The following FUZ variants were observed in gnomAD, a reference collection of about 807,000 sequenced individuals.
The protein encoded by FUZ is protein fuzzy homolog.
A neutral mutation model predicts 43.1 loss-of-function variants in FUZ; 31 were observed. That is an observed-to-expected ratio of 0.72 (90% CI 0.54 to 0.97). The LOEUF (loss-of-function observed/expected upper bound fraction) is 0.97. Among genes scored for constraint, FUZ ranks in the 50% least tolerant of loss-of-function variants. The pLI is 0.00. For synonymous variants in FUZ, 274 were observed against 250.0 expected (o/e 1.10, Z -0.91); for missense variants, 539 against 543.8 (o/e 0.99, Z 0.09).
intron 7 of FUZ, 119 bp from the exon 8 acceptor site, chr19:49,808,942 G>C: frequency 2.2e-6 from 2 of 923,536 alleles, no homozygotes; most frequent in Admixed American, 4.0e-5. Flanking sequence ...TGCAAGAAGA[G>C]TGGAGGGCGG....
At position 49,809,323 on chromosome 19, in the gene FUZ, C is replaced by T; in HGVS notation, c.690+55G>A. 6.5e-7 allele frequency: 1 copy of T among 1,547,636 alleles called. No individual in the cohort carries two copies. The highest frequency in any genetic ancestry group is 1.2e-5 in the South Asian group (1 of 84,022). On this transcript the variant is annotated intron_variant, in intron 6 of 10. Coordinates refer to ENST00000313777, the MANE Select transcript of FUZ (RefSeq NM_025129.5). The surrounding 1 kb of genome is among the most constrained non-coding windows in gnomAD (Gnocchi z 5.1). Reference sequence around the variant, plus strand: ...CCCTTTCCATCGCAGATCCCGCCTCCTCGCGACTCGGCCCCCAGGTCACAT... The same window carrying T: ...CCCTTTCCATCGCAGATCCCGCCTCTTCGCGACTCGGCCCCCAGGTCACAT...
rs1454310856 is a variant in FUZ, at chr19:49,809,281, G to A, written c.691-23C>T. The A allele has an allele frequency of 3.9e-6, 6 of 1,549,678 alleles. No homozygotes were observed. The highest frequency in any genetic ancestry group is 4.4e-6 in the Non-Finnish European group (5 of 1,146,450). ...GACCTGAAGCAGGGCACAGGCTGGG[G>A]CTCATCGCGGCCCGGCCCCTTTCCA... On this transcript the variant is annotated intron_variant, in intron 6 of 10. Transcript: ENST00000313777. The surrounding 1 kb of genome is among the most constrained non-coding windows in gnomAD (Gnocchi z 5.1).
At chr19:49,811,338 A>C in intron 5 of FUZ, 25 bp downstream of exon 5, 2 of 1,507,474 alleles carry the variant, frequency 1.3e-6, no homozygotes, top group Non-Finnish European at 1.8e-6. Flanking sequence ...AACAGGTGTA[A>C]GAGTTTCCAT....
rs774405139 is a variant in FUZ, at chr19:49,812,560, T to G, written c.233+55A>C. ...AGCTGGAAGGCCTCCGGGGTCATCT[T>G]CAACAGGGACTATCACCCAGGCCCT... On this transcript the variant is annotated intron_variant, in intron 2 of 10. Transcript: ENST00000313777. 5.0e-6 allele frequency: 8 copies of G among 1,613,264 alleles called. No individual in the cohort carries two copies. In the East Asian group the frequency reaches 1.8e-4, roughly 36 times the overall value.
At chr19:49,811,081 G>A (rs1168084208) in intron 5 of FUZ, 2 of 476,248 alleles carry the variant, frequency 4.2e-6, no homozygotes, top group Admixed American at 3.3e-5. Flanking sequence ...AACCCGGGAG[G>A]CGCAGGCTGC....
Position 49,813,111 on chromosome 19 carries a change from G to T in FUZ, c.-5C>A. The T allele has an allele frequency of 2.6e-6, 4 of 1,550,066 alleles. No homozygotes were observed. The highest frequency in any genetic ancestry group is 3.5e-6 in the Non-Finnish European group (4 of 1,145,888). ...GCCCGTCCCCTCCTCCCCCATTTAG[G>T]ACTCCCACCGCGGTCCCTCACGTGG... is the stretch of plus-strand genomic sequence containing the variant. On this transcript the variant is annotated 5_prime_UTR_variant, in exon 1 of 11. Transcript: ENST00000313777.
chr19:49,813,002 ACGGG>A lies in FUZ; in HGVS notation c.101_104del (p.Ala34ValfsTer26). 6.4e-7 allele frequency: 1 copy of A among 1,550,810 alleles called. No individual in the cohort carries two copies. The highest frequency in any genetic ancestry group is 8.7e-7 in the Non-Finnish European group (1 of 1,146,760). ...CAGGCGTCCAAGGCCCCACCTGCTG[ACGGG>A]CGGGGGCGCCGCCGCGACTGCTCCT... On this transcript the variant is annotated frameshift_variant, in exon 1 of 11. Transcript: ENST00000313777. LOFTEE classifies it high-confidence loss of function.
chr19:49,807,015 T>A lies in FUZ; in HGVS notation c.*136A>T. 6.6e-7 allele frequency: 1 copy of A among 1,511,260 alleles called. No individual in the cohort carries two copies. The allele number at this position is 1,511,260 out of a possible 1,614,324, so 93.6% of individuals were successfully genotyped here. A position where few individuals can be genotyped will look rare whatever the true frequency, so the allele number is the denominator to read the frequency against. Reference sequence around the variant, plus strand: ...GGGAGAGGGGCCAGGGAAGTGGATGTCTCCTCCCCTCCCACCCCACCCTGT... The same window carrying A: ...GGGAGAGGGGCCAGGGAAGTGGATGACTCCTCCCCTCCCACCCCACCCTGT... On this transcript the variant is annotated 3_prime_UTR_variant, in exon 11 of 11. Coordinates refer to ENST00000313777, the MANE Select transcript of FUZ (RefSeq NM_025129.5).
In FUZ at chr19:49,811,706, G is replaced by A; in HGVS notation, c.319-7C>T. ...CAAGTCCCACAAGAAGGACCTAGAAGAATCATATAGGAGAGGATGGGCGAG... is the reference window on the plus strand; with the variant it reads ...CAAGTCCCACAAGAAGGACCTAGAAAAATCATATAGGAGAGGATGGGCGAG... On this transcript the variant is annotated splice_region_variant and splice_polypyrimidine_tract_variant and intron_variant, in intron 3 of 10. Coordinates refer to ENST00000313777, the MANE Select transcript of FUZ (RefSeq NM_025129.5). 1 of 1,612,090 alleles carries A rather than the reference G, an allele frequency of 6.2e-7. No homozygotes were observed. The highest frequency in any genetic ancestry group is 8.5e-7 in the Non-Finnish European group (1 of 1,178,114).
At chr19:49,810,939 A>G in intron 5 of FUZ, 1 of 339,408 alleles carries the variant, frequency 2.9e-6, no homozygotes, top group Non-Finnish European at 5.7e-6. Flanking sequence ...CACCTGAGGT[A>G]AGAAGTTCGA....
chr19:49,807,314 C>T lies in FUZ; in HGVS notation c.1094G>A (p.Cys365Tyr), dbSNP rs1276815917. ...EVYQAQLPRA[C>Y]YLVLGTEEPG... ...TTCCTCAGTCCCCAACACCAGGTAGCAAGCTCTGGGCAGCTGGGCCTGGTA... is the reference window on the plus strand; with the variant it reads ...TTCCTCAGTCCCCAACACCAGGTAGTAAGCTCTGGGCAGCTGGGCCTGGTA... Residue 365 changes from cysteine to tyrosine, a missense_variant, in exon 11 of 11, where the codon TGC becomes TAC. Cys to Tyr is a radical substitution (Grantham distance 194). Transcript: ENST00000313777. The T allele has an allele frequency of 1.2e-6, 2 of 1,613,634 alleles. No individual in the cohort carries two copies. The highest frequency in any genetic ancestry group is 1.7e-6 in the Non-Finnish European group (2 of 1,179,976).
At position 49,811,455 on chromosome 19, in the gene FUZ, G is replaced by C. The variant is rs755369802; in HGVS notation, c.400C>G (p.Leu134Val). 1.7e-5 allele frequency: 27 copies of C among 1,613,978 alleles called. No homozygotes were observed. Among genetic ancestry groups the C allele is most frequent in the South Asian group, 2.2e-5 (2 of 91,080 alleles). Residue 134 changes from leucine to valine, a missense_variant, in exon 5 of 11, where the codon CTC becomes GTC. Physicochemically the swap from Leu to Val is conservative, Grantham distance 32 (BLOSUM62 1). Coordinates refer to ENST00000313777, the MANE Select transcript of FUZ (RefSeq NM_025129.5). ...GAGTCCCCCAGGAAGCTGTCGATGA[G>C]GCAATAACTGGCCTAGGAGAGGAAG... ...LKKDLRASYC[L>V]IDSFLGDSEL...
intron 10 of FUZ, among the ~76,000 whole-genome samples, chr19:49,807,914 A>T (rs1331463251): frequency 6.6e-6 from 1 of 152,034 alleles, no homozygotes; most frequent in African/African-American, 2.4e-5. Context: ...TTCCGTTCTA[A>T]CCCAGAATCT....
In FUZ at chr19:49,807,327, G is replaced by C; in HGVS notation, c.1081C>G (p.Leu361Val). The change falls in exon 11 of 11, where the codon CTG becomes GTG. Residue 361 changes from leucine to valine, a missense_variant. Coordinates refer to ENST00000313777, the MANE Select transcript of FUZ (RefSeq NM_025129.5). ...KTEDEVYQAQ[L>V]PRACYLVLGT... is the part of the protein sequence containing the mutation. ...AACACCAGGTAGCAAGCTCTGGGCA[G>C]CTGGGCCTGGTAGACCTCATCTTCT... The C allele has an allele frequency of 6.2e-7, 1 of 1,613,644 alleles. No homozygotes were observed.
At chr19:49,810,551 C>G (rs552170071) in intron 5 of FUZ, among the ~76,000 whole-genome samples, 13 of 151,498 alleles carry the variant, frequency 8.6e-5, no homozygotes, top group African/African-American at 2.4e-4. Context: ...TGGTGACCAG[C>G]GCTTATAATC....
intron 3 of FUZ, 47 bp downstream of exon 3, chr19:49,812,204 A>C (rs980879788): frequency 7.3e-7 from 1 of 1,361,000 alleles, no homozygotes. Context: ...GGATGCTGAG[A>C]TCTCAGATTC....
rs1429021999 is a variant in FUZ at position 49,809,589 on chromosome 19, G to A, written c.493-14C>T. 6.3e-7 allele frequency: 1 copy of A among 1,581,326 alleles called. No homozygotes were observed. ...GGAGAGGGCTTCCTGGGTACGGGAG[G>A]CAGGAGGACTGGGAGTCAGCAGACA... On this transcript the variant is annotated splice_polypyrimidine_tract_variant and intron_variant, in intron 5 of 10. Transcript: ENST00000313777. The surrounding 1 kb of genome is among the most constrained non-coding windows in gnomAD (Gnocchi z 5.1).
At position 49,813,042 on chromosome 19, in the gene FUZ, G is replaced by C; in HGVS notation, c.65C>G (p.Pro22Arg). Residue 22 changes from proline to arginine, a missense_variant, in exon 1 of 11, where the codon CCC (proline) becomes CGC (arginine). Physicochemically the swap from Pro to Arg is moderately radical, Grantham distance 103. Transcript: ENST00000313777. ...LLCLAASSGV[P>R]LFCRSSRGGA... is the part of the protein sequence containing the mutation. ...GCCGCGACTGCTCCTGCAGAATAGG[G>C]GGACCCCGCTGGAGGCCGCGAGGCA... 1 of 1,551,278 alleles carries C rather than the reference G, an allele frequency of 6.4e-7. No individual in the cohort carries two copies. Among genetic ancestry groups the C allele is most frequent in the South Asian group, 1.2e-5 (1 of 84,050 alleles).
At position 49,809,365 on chromosome 19, in the gene FUZ, G is replaced by A; in HGVS notation, c.690+13C>T. 4 of 1,544,674 alleles carry A rather than the reference G, an allele frequency of 2.6e-6. No homozygotes were observed. The highest frequency in any genetic ancestry group is 2.4e-5 in the South Asian group (2 of 84,040). ...AGGTCACATCCCTCCGTCGGTGCCC[G>A]CCACCCACTCACCGTGGGGCTCCCG... On this transcript the variant is annotated intron_variant, in intron 6 of 10. Transcript: ENST00000313777. This position sits in a 1 kb window ranked among gnomAD's most constrained non-coding sequence, Gnocchi z 5.1.
Sources: gnomAD v4.1 joint callset for allele counts (sites outside exome capture counted in the v4.1 genomes callset) on GRCh38, gnomAD v4.1.1 for gene constraint, Gnocchi (gnomAD v3.1) non-coding constraint, MANE v1.5 for transcripts, NCBI Gene and HGNC (gene_info 2026-07-23, HGNC 2026-07-21) for gene names.